DNAH5: variants seen among roughly 807,000 people sequenced by gnomAD.
DNAH5 encodes axonemal beta dynein heavy chain 5.
Under a neutral mutation model 518.2 loss-of-function variants are expected in DNAH5, and 372 were observed. That is an observed-to-expected ratio of 0.72 (90% confidence interval 0.66 to 0.78). The LOEUF (loss-of-function observed/expected upper bound fraction) is 0.78. Ranked by LOEUF, DNAH5 falls within the 30% of genes least tolerant of loss-of-function variation. DNAH5 has a pLI of 0.00. For synonymous variants in DNAH5, 2,039 were observed against 2,025.9 expected, an observed-to-expected ratio of 1.01 and a Z score of -0.17; for missense variants, 5,523 against 5,687.0, an observed-to-expected ratio of 0.97 and a Z score of 0.93.
chr5:13,832,293 A>T (rs893781135), intron 35 of DNAH5, among the ~76,000 whole-genome samples: 7 of 152,234 alleles, frequency 4.6e-5, no homozygotes, highest in African/African-American at 1.4e-4. Context: ...ACAAGTAGCA[A>T]GTTGCTTCAA....
intron 50 of DNAH5, among the ~76,000 whole-genome samples, chr5:13,791,096 T>A (rs1756913772): frequency 6.6e-6 from 1 of 151,244 alleles, no homozygotes; most frequent in South Asian, 2.1e-4. Flanking sequence ...AATCAACAAA[T>A]AATTTTTTAA....
chr5:13,886,163 A>G (rs1250995229), intron 17 of DNAH5, 34 bp from the exon 18 acceptor site: 6 of 1,543,896 alleles, frequency 3.9e-6, no homozygotes, highest in Non-Finnish European at 4.4e-6. Flanking sequence ...AAGATAGCAC[A>G]GTGGTATATG....
chr5:13,819,468 A>T (rs978236994), intron 41 of DNAH5, among the ~76,000 whole-genome samples: 4 of 152,086 alleles, frequency 2.6e-5, no homozygotes, highest in South Asian at 4.1e-4. Context: ...CCAACAATGT[A>T]CCAGTGTTGC....
At position 13,905,969 on chromosome 5, in the gene DNAH5, T is replaced by C. The variant is rs114028550; in HGVS notation, c.1645-3831A>G. On this transcript the variant is annotated intron_variant, in intron 12 of 78. Transcript: ENST00000265104. Reference sequence around the variant, plus strand: ...TAAAAAGAAATGAGCTATCAAGCCATGAAAAGGCATGAAGAAAATATAAAC... The same window carrying C: ...TAAAAAGAAATGAGCTATCAAGCCACGAAAAGGCATGAAGAAAATATAAAC... Among the ~76,000 whole-genome samples the C allele has an allele frequency of 4.4e-3, 668 of 152,192 alleles. 4 individuals are homozygous for C. Among genetic ancestry groups the C allele is most frequent in the Non-Finnish European group, 7.0e-3 (477 of 68,000 alleles).
At chr5:13,823,861 A>C (rs1762549401) in intron 39 of DNAH5, among the ~76,000 whole-genome samples, 1 of 152,294 alleles carries the variant, frequency 6.6e-6, no homozygotes, top group African/African-American at 2.4e-5. Context: ...ACACTTGTAG[A>C]GTTTACACAT....
Position 13,714,477 on chromosome 5 carries a change from G to A in DNAH5, c.13053C>T (p.Thr4351=). 6.2e-7 allele frequency: 1 copy of A among 1,614,062 alleles called. No homozygotes were observed. The highest frequency in any genetic ancestry group is 2.2e-5 in the East Asian group (1 of 44,864). Reference sequence around the variant, plus strand: ...CCAGCCGGGCCACCACCGCCTCCCGGGTCTCATCCCCTCCACCAGAGGTGT... The same window carrying A: ...CCAGCCGGGCCACCACCGCCTCCCGAGTCTCATCCCCTCCACCAGAGGTGT... ...PKDTSGGGDE[T]REAVVARLAD... The change falls in exon 75 of 79, where the codon ACC becomes ACT. Residue 4351 remains threonine (T), a synonymous_variant. Transcript: ENST00000265104.
chr5:13,905,342 A>G (rs1272605551), intron 12 of DNAH5, among the ~76,000 whole-genome samples: 1 of 152,166 alleles, frequency 6.6e-6, no homozygotes, highest in Non-Finnish European at 1.5e-5. Context: ...GTGGGTTGTT[A>G]TAAAAAACGA....
chr5:13,786,108 G>T, intron 52 of DNAH5, 71 bp downstream of exon 52: 1 of 1,433,586 alleles, frequency 7.0e-7, no homozygotes, highest in East Asian at 2.3e-5. Context: ...AAATAAGAGA[G>T]GGAGAGGACC....
intron 3 of DNAH5, 44 bp from the exon 4 acceptor site, chr5:13,923,484 G>A (rs746297217): frequency 1.2e-6 from 2 of 1,608,034 alleles, no homozygotes; most frequent in Non-Finnish European, 8.5e-7. Flanking sequence ...GCTTTTTGCA[G>A]TCCATGTGGT....
In DNAH5 at chr5:13,729,521, G is replaced by T; in HGVS notation, c.11801C>A (p.Pro3934Gln). ...TGTTATGTCCAGGATCCATTTTGAT[G>T]GTTTTGGAGGACAAGCTTTAAGGTC... Reference protein sequence around the residue: ...SLDLKACPPKPSKWILDITWL... With the variant: ...SLDLKACPPKQSKWILDITWL... Residue 3934 changes from proline to glutamine, a missense_variant, in exon 69 of 79, where the codon CCA (proline) becomes CAA (glutamine). Physicochemically the swap from Pro to Gln is moderately conservative, Grantham distance 76. Around this residue, in one of 3 missense-constraint regions of DNAH5, gnomAD observed 5,121 missense variants for 5,223.3 expected, o/e 0.98. Coordinates refer to ENST00000265104, the MANE Select transcript of DNAH5 (RefSeq NM_001369.3). The T allele has an allele frequency of 1.9e-6, 3 of 1,613,790 alleles. No homozygotes were observed. Among genetic ancestry groups the T allele is most frequent in the Non-Finnish European group, 2.5e-6 (3 of 1,179,784 alleles).
At chr5:13,713,324 T>C (rs1297323467) in intron 75 of DNAH5, among the ~76,000 whole-genome samples, 1 of 146,082 alleles carries the variant, frequency 6.8e-6, no homozygotes, top group East Asian at 2.0e-4. Context: ...CCGACATATA[T>C]ATACCGACAT....
At chr5:13,712,508 G>C (rs1043367255) in intron 75 of DNAH5, among the ~76,000 whole-genome samples, 10 of 152,194 alleles carry the variant, frequency 6.6e-5, no homozygotes, top group Admixed American at 6.5e-4. Flanking sequence ...CATGGCAAAA[G>C]GAACAGTCAG....
At chr5:13,918,459 T>C (rs181561896) in intron 7 of DNAH5, among the ~76,000 whole-genome samples, 101 of 152,230 alleles carry the variant, frequency 6.6e-4, no homozygotes, top group African/African-American at 1.8e-3. Context: ...GATTGAAATA[T>C]TGGCTGTTTT....
intron 30 of DNAH5, among the ~76,000 whole-genome samples, chr5:13,854,354 G>C (rs1767302449): frequency 6.6e-6 from 1 of 152,116 alleles, no homozygotes; most frequent in Admixed American, 6.5e-5. Context: ...TGCCTTACAA[G>C]AGCTCCTGAA....
At chr5:13,756,681 G>A (rs7702944) in intron 61 of DNAH5, among the ~76,000 whole-genome samples, 1 of 151,542 alleles carries the variant, frequency 6.6e-6, no homozygotes, top group African/African-American at 2.4e-5. Flanking sequence ...TATAAACCCA[G>A]ATAAGTGTTA....
chr5:13,900,920 T>C (rs1774518306), intron 14 of DNAH5, among the ~76,000 whole-genome samples: 1 of 152,228 alleles, frequency 6.6e-6, no homozygotes, highest in Non-Finnish European at 1.5e-5. Context: ...ACAGATGTGC[T>C]AGTGTTTACT....
chr5:13,814,984 G>A, intron 42 of DNAH5, 138 bp from the exon 43 acceptor site: 1 of 859,550 alleles, frequency 1.2e-6, no homozygotes, highest in Non-Finnish European at 1.8e-6. Context: ...TGCTCCAAAT[G>A]ATTACCTTGT....
At chr5:13,900,035 TAA>T (rs1334376150) in intron 15 of DNAH5, 169 bp downstream of exon 15, 5 of 628,344 alleles carry the variant, frequency 8.0e-6, no homozygotes, top group Non-Finnish European at 1.4e-5. Flanking sequence ...GCAAGACCTG[TAA>T]CGGCCTGGCC....
chr5:13,849,855 C>G (rs1444113239), intron 31 of DNAH5, among the ~76,000 whole-genome samples: 1 of 152,072 alleles, frequency 6.6e-6, no homozygotes, highest in Non-Finnish European at 1.5e-5. Flanking sequence ...CATCGAGATC[C>G]TGCCAAAGCA....
Sources: gnomAD v4.1 joint callset for allele counts (sites outside exome capture counted in the v4.1 genomes callset) on GRCh38, gnomAD v4.1.1 for gene constraint, gnomAD v4.1.1 regional missense constraint, MANE v1.5 for transcripts, NCBI Gene and HGNC (gene_info 2026-07-23, HGNC 2026-07-21) for gene names.